Variants in HS6ST3 observed in about 807,000 individuals in gnomAD.
HS6ST3 encodes heparan sulfate 6-O-sulfotransferase 3, also known as heparan-sulfate 6-O-sulfotransferase 3.
HS6ST3 carries 12 observed loss-of-function variants against 36.7 expected under a neutral mutation model. The observed-to-expected ratio is 0.33, with a 90% CI of 0.21 to 0.53. HS6ST3 has a LOEUF of 0.53. Ranked by LOEUF, HS6ST3 falls within the 20% of genes least tolerant of loss-of-function variation. The pLI, the probability that HS6ST3 is intolerant of heterozygous loss-of-function variation, is 0.95. For synonymous variants in HS6ST3, 240 were observed against 257.5 expected, an observed-to-expected ratio of 0.93 and a Z score of 0.65; for missense variants, 584 against 640.9, an observed-to-expected ratio of 0.91 and a Z score of 0.96.
intron 1 of HS6ST3, among the ~76,000 whole-genome samples, chr13:96,751,952 C>T (rs994905762): frequency 6.6e-6 from 1 of 151,696 alleles, no homozygotes; most frequent in African/African-American, 2.4e-5. Context: ...CTAAGACTCA[C>T]AAACTGTTCA....
intron 1 of HS6ST3, among the ~76,000 whole-genome samples, chr13:96,726,073 C>G (rs569796384): frequency 6.6e-6 from 1 of 152,020 alleles, no homozygotes; most frequent in East Asian, 1.9e-4. Flanking sequence ...CCTGACCTTA[C>G]GATCCACCCT....
chr13:96,795,535 G>A (rs574691718), intron 1 of HS6ST3, among the ~76,000 whole-genome samples: 31 of 152,156 alleles, frequency 2.0e-4, no homozygotes, highest in African/African-American at 7.5e-4. Context: ...TAAATGCTAA[G>A]CTATCAACAT....
chr13:96,104,123 T>C (rs2053830348), intron 1 of HS6ST3, among the ~76,000 whole-genome samples: 6 of 152,232 alleles, frequency 3.9e-5, no homozygotes, highest in Admixed American at 2.0e-4. Flanking sequence ...TTTAAGAAAA[T>C]GAAGAAAATT....
chr13:96,760,996 T>G (rs1241283438), intron 1 of HS6ST3, among the ~76,000 whole-genome samples: 1 of 152,194 alleles, frequency 6.6e-6, no homozygotes, highest in South Asian at 2.1e-4. Flanking sequence ...TCTTTCAGCA[T>G]CCAATGCTCT....
intron 1 of HS6ST3, among the ~76,000 whole-genome samples, chr13:96,482,583 G>A (rs2055895049): frequency 1.3e-5 from 2 of 151,876 alleles, no homozygotes; most frequent in Admixed American, 1.3e-4. Context: ...CTTGATTAAG[G>A]TCATTTCCTG....
intron 1 of HS6ST3, among the ~76,000 whole-genome samples, chr13:96,717,157 A>T (rs1875719212): frequency 6.6e-6 from 1 of 152,190 alleles, no homozygotes; most frequent in African/African-American, 2.4e-5. Flanking sequence ...TGAACCCATA[A>T]ATCTGAAAGG....
At chr13:96,365,432 C>A (rs1282992480) in intron 1 of HS6ST3, among the ~76,000 whole-genome samples, 1 of 152,202 alleles carries the variant, frequency 6.6e-6, no homozygotes, top group Non-Finnish European at 1.5e-5. Flanking sequence ...GGTAGGGGTA[C>A]AAATATTAGT....
At chr13:96,166,490 A>G (rs1000871072) in intron 1 of HS6ST3, among the ~76,000 whole-genome samples, 1 of 152,026 alleles carries the variant, frequency 6.6e-6, no homozygotes, top group African/African-American at 2.4e-5. Context: ...TCTATTGATT[A>G]GGAATTTAAT....
chr13:96,415,629 G>A (rs1454863500), intron 1 of HS6ST3, among the ~76,000 whole-genome samples: 4 of 152,062 alleles, frequency 2.6e-5, no homozygotes, highest in Admixed American at 2.6e-4. Flanking sequence ...ACCTTTGATT[G>A]GCTTTAGAAA....
intron 1 of HS6ST3, among the ~76,000 whole-genome samples, chr13:96,752,476 G>A (rs1341446342): frequency 6.6e-6 from 1 of 151,952 alleles, no homozygotes; most frequent in Non-Finnish European, 1.5e-5. Context: ...GGTGAAAGAC[G>A]TTTTTATTTT....
rs565153639 is a variant in HS6ST3 at position 96,821,856 on chromosome 13, A to T, written c.708-10634A>T. ...GAATGGCAAAACCTAGACAGAGGGG[A>T]TTAAAAAAATATATATTCTTGTGAT... On this transcript the variant is annotated intron_variant, in intron 1 of 1. Transcript: ENST00000376705. Among the ~76,000 whole-genome samples, 3 of 152,368 alleles carry T rather than the reference A, an allele frequency of 2.0e-5. No homozygotes were observed. The East Asian group carries it at 5.8e-4, about 29-fold the overall frequency.
chr13:96,576,485 C>T (rs1378914292), intron 1 of HS6ST3, among the ~76,000 whole-genome samples: 1 of 152,188 alleles, frequency 6.6e-6, no homozygotes, highest in South Asian at 2.1e-4. Context: ...TAGGTCTACA[C>T]TCATTACTGT....
At chr13:96,307,972 A>T (rs1325765512) in intron 1 of HS6ST3, among the ~76,000 whole-genome samples, 2 of 151,958 alleles carry the variant, frequency 1.3e-5, no homozygotes, top group African/African-American at 4.8e-5. Flanking sequence ...ATGAAGAACT[A>T]ATTTATTTTA....
At chr13:96,783,128 A>G (rs563770885) in intron 1 of HS6ST3, among the ~76,000 whole-genome samples, 1 of 152,352 alleles carries the variant, frequency 6.6e-6, no homozygotes, top group South Asian at 2.1e-4. Context: ...AAGATTCATG[A>G]ACATGACACA....
chr13:96,513,028 A>G (rs1258828950), intron 1 of HS6ST3, among the ~76,000 whole-genome samples: 3 of 151,946 alleles, frequency 2.0e-5, no homozygotes, highest in Non-Finnish European at 4.4e-5. Flanking sequence ...CTGTTACACC[A>G]ATTGGATGAT....
intron 1 of HS6ST3, among the ~76,000 whole-genome samples, chr13:96,369,554 A>G (rs1413736670): frequency 2.0e-5 from 3 of 152,188 alleles, no homozygotes; most frequent in Non-Finnish European, 4.4e-5. Context: ...TGTATTTTTC[A>G]TACAAACGTG....
At chr13:96,668,348 G>A (rs1408270382) in intron 1 of HS6ST3, among the ~76,000 whole-genome samples, 2 of 152,126 alleles carry the variant, frequency 1.3e-5, no homozygotes, top group Non-Finnish European at 2.9e-5. Flanking sequence ...GAAAACTGAT[G>A]CTGAAAAAGG....
intron 1 of HS6ST3, among the ~76,000 whole-genome samples, chr13:96,161,788 C>T (rs559830785): frequency 8.5e-5 from 13 of 152,112 alleles, no homozygotes; most frequent in African/African-American, 2.7e-4. Context: ...AGAGCAGAAG[C>T]GAAATTTTTC....
intron 1 of HS6ST3, among the ~76,000 whole-genome samples, chr13:96,704,255 C>T (rs1246036823): frequency 6.6e-6 from 1 of 152,096 alleles, no homozygotes; most frequent in Non-Finnish European, 1.5e-5. Flanking sequence ...GAATTCTGCA[C>T]GTGATATTCC....
Sources: allele counts gnomAD v4.1 joint callset (sites outside exome capture counted in the v4.1 genomes callset), GRCh38; gene constraint gnomAD v4.1.1; transcripts MANE v1.5; gene names NCBI Gene and HGNC (gene_info 2026-07-23, HGNC 2026-07-21).